RNLS: variants seen among roughly 807,000 people sequenced by gnomAD.
The protein encoded by RNLS is renalase, FAD dependent amine oxidase.
In RNLS, 39 loss-of-function variants were observed where a neutral mutation model predicts 39.8. The ratio of observed to expected loss-of-function variants is 0.98; its 90% CI spans 0.76 to 1.28. RNLS has a LOEUF of 1.28. Among genes scored for constraint, RNLS ranks in the 50% most tolerant of loss-of-function variants. The pLI is 0.00. For synonymous variants in RNLS, 147 were observed against 150.7 expected, an observed-to-expected ratio of 0.98 and a Z score of 0.18; for missense variants, 410 against 413.3, an observed-to-expected ratio of 0.99 and a Z score of 0.07.
intron 4 of RNLS, among the ~76,000 whole-genome samples, chr10:88,517,776 C>T (rs1483319436): frequency 6.6e-6 from 1 of 151,846 alleles, no homozygotes; most frequent in African/African-American, 2.4e-5. Flanking sequence ...TAATCTTTAA[C>T]TGAATAAATA....
chr10:88,545,780 T>A (rs1400856246), intron 4 of RNLS, among the ~76,000 whole-genome samples: 2 of 152,212 alleles, frequency 1.3e-5, no homozygotes, highest in African/African-American at 4.8e-5. Context: ...AGATAATTTT[T>A]CATTGGTTTC....
intron 4 of RNLS, among the ~76,000 whole-genome samples, chr10:88,400,353 C>G (rs1589729680): frequency 6.6e-6 from 1 of 151,986 alleles, no homozygotes; most frequent in Non-Finnish European, 1.5e-5. Context: ...ATTTCCTCCT[C>G]AGATTCTCTG....
At chr10:88,541,011 TTTCTTAACTAGCTTGAAACTAAAA>T (rs1375601125) in intron 4 of RNLS, among the ~76,000 whole-genome samples, 1 of 149,614 alleles carries the variant, frequency 6.7e-6, no homozygotes, top group Non-Finnish European at 1.5e-5. Context: ...AAAAAGTACA[TTTCTTAACTAGCTTGAAACTAAAA>T]TTCTAAAATA....
the RNLS span, among the ~76,000 whole-genome samples, chr10:88,214,112 T>C: frequency 6.6e-5 from 10 of 152,194 alleles, no homozygotes; most frequent in Non-Finnish European, 7.3e-5. Context: ...GTTGTAGTAG[T>C]AGTAGCAGTT....
At chr10:88,191,461 T>A in the RNLS span, among the ~76,000 whole-genome samples, 2 of 152,334 alleles carry the variant, frequency 1.3e-5, no homozygotes, top group East Asian at 3.9e-4. Flanking sequence ...ATGTTTAATA[T>A]AAGTTTACAT....
chr10:88,497,796 G>T (rs1394947928), intron 4 of RNLS, among the ~76,000 whole-genome samples: 1 of 152,038 alleles, frequency 6.6e-6, no homozygotes, highest in Non-Finnish European at 1.5e-5. Context: ...CTGTCCAAAG[G>T]GAAGGTGTGA....
intron 4 of RNLS, among the ~76,000 whole-genome samples, chr10:88,368,795 T>C (rs1850317581): frequency 6.6e-6 from 1 of 151,902 alleles, no homozygotes; most frequent in African/African-American, 2.4e-5. Context: ...TTTCTAATTA[T>C]TTCCTTAAGA....
intron 4 of RNLS, among the ~76,000 whole-genome samples, chr10:88,444,708 A>G (rs1306735277): frequency 1.3e-5 from 2 of 152,238 alleles, no homozygotes; most frequent in African/African-American, 4.8e-5. Flanking sequence ...ATCAACTGGA[A>G]GAAAGGGTGT....
intron 4 of RNLS, among the ~76,000 whole-genome samples, chr10:88,460,548 C>T (rs1019474028): frequency 6.6e-6 from 1 of 152,032 alleles, no homozygotes; most frequent in East Asian, 1.9e-4. Flanking sequence ...TCTATGATTG[C>T]CTCATTACTA....
chr10:88,547,881 C>A (rs1431109842), intron 4 of RNLS, among the ~76,000 whole-genome samples: 6 of 151,544 alleles, frequency 4.0e-5, no homozygotes, highest in African/African-American at 7.3e-5. Flanking sequence ...CACATTGTAC[C>A]CCATAAAAAT....
At position 88,284,151 on chromosome 10, in the gene RNLS, A is replaced by G; in HGVS notation, c.*1203T>C. On this transcript the variant is annotated 3_prime_UTR_variant, in exon 7 of 7. Transcript: ENST00000331772. The stretch of plus-strand genomic sequence containing the variant: ...TTATTGCTAAGAGGAAACATATAAT[A>G]ATATGCTATAGGGTCATAAAACCCA... The G allele has an allele frequency of 1.0e-6, 1 of 985,256 alleles. No individual in the cohort carries two copies. Among genetic ancestry groups the G allele is most frequent in the Non-Finnish European group, 1.2e-6 (1 of 829,792 alleles). 61.0% of individuals were successfully genotyped at this position (985,256 alleles called of 1,614,324 possible).
intron 4 of RNLS, among the ~76,000 whole-genome samples, chr10:88,470,526 C>A (rs1843458477): frequency 6.6e-6 from 1 of 151,994 alleles, no homozygotes; most frequent in Non-Finnish European, 1.5e-5. Context: ...ATAAATATTT[C>A]TGCATTTTTG....
At chr10:88,367,136 A>G (rs927003261) in intron 4 of RNLS, among the ~76,000 whole-genome samples, 1 of 152,040 alleles carries the variant, frequency 6.6e-6, no homozygotes, top group African/African-American at 2.4e-5. Context: ...GCCTTGATGA[A>G]TTTTCATAAA....
intron 4 of RNLS, among the ~76,000 whole-genome samples, chr10:88,413,301 A>G (rs915204408): frequency 7.9e-5 from 12 of 152,092 alleles, no homozygotes; most frequent in African/African-American, 2.9e-4. Flanking sequence ...AGCTTCTTTC[A>G]TTTATCACAT....
At chr10:88,465,291 TA>T (rs1431585841) in intron 4 of RNLS, among the ~76,000 whole-genome samples, 2 of 152,148 alleles carry the variant, frequency 1.3e-5, no homozygotes, top group Non-Finnish European at 2.9e-5. Context: ...TCCCTAAATT[TA>T]AATTTTGTTT....
At chr10:88,223,098 C>G in the RNLS span, among the ~76,000 whole-genome samples, 1 of 152,176 alleles carries the variant, frequency 6.6e-6, no homozygotes, top group Non-Finnish European at 1.5e-5. Context: ...TGTAATTTGC[C>G]TAAGGATACA....
At chr10:88,421,835 A>G (rs1487258795) in intron 4 of RNLS, among the ~76,000 whole-genome samples, 2 of 152,104 alleles carry the variant, frequency 1.3e-5, no homozygotes, top group East Asian at 3.9e-4. Context: ...GCTGCTGGTC[A>G]TTCTTCCACC....
At chr10:88,358,459 A>T (rs970027475) in intron 5 of RNLS, among the ~76,000 whole-genome samples, 1 of 152,246 alleles carries the variant, frequency 6.6e-6, no homozygotes, top group African/African-American at 2.4e-5. Flanking sequence ...GAAATTCTAG[A>T]TTAAAAGAAG....
intron 5 of RNLS, among the ~76,000 whole-genome samples, chr10:88,318,668 C>T (rs1282605745): frequency 6.6e-6 from 1 of 152,194 alleles, no homozygotes; most frequent in Non-Finnish European, 1.5e-5. Flanking sequence ...AGGGGCTCTG[C>T]CCCAAGACCA....
Sources: gnomAD v4.1 joint callset for allele counts (sites outside exome capture counted in the v4.1 genomes callset) on GRCh38, gnomAD v4.1.1 for gene constraint, MANE v1.5 for transcripts, NCBI Gene and HGNC (gene_info 2026-07-23, HGNC 2026-07-21) for gene names.